Variants in PCM1 observed in about 807,000 individuals in gnomAD.
PCM1 encodes pericentriolar material 1 protein.
Under a neutral mutation model 241.9 loss-of-function variants are expected in PCM1, and 157 were observed. That is an observed-to-expected ratio of 0.65 (90% CI 0.57 to 0.74). PCM1 has a LOEUF of 0.74. Among genes scored for constraint, PCM1 ranks in the 30% least tolerant of loss-of-function variants. The probability of loss-of-function intolerance (pLI) is 0.00; values close to 1 mark genes in which losing one functional copy is unlikely to be tolerated. For missense variants in PCM1, 3,478 were observed against 2,360.1 expected, an observed-to-expected ratio of 1.47 and a Z score of -9.81; for synonymous variants, 1,085 against 784.9, an observed-to-expected ratio of 1.38 and a Z score of -6.39.
At chr8:17,983,306 T>C in intron 24 of PCM1, 2 of 1,314,588 alleles carry the variant, frequency 1.5e-6, no homozygotes. Context: ...ATCTGCGTAG[T>C]TTTGGTGTCC....
chr8:17,966,252 A>G (rs2074838502), intron 19 of PCM1, 34 bp downstream of exon 19: 33 of 1,608,620 alleles, frequency 2.1e-5, no homozygotes, highest in Non-Finnish European at 2.6e-5. Context: ...TTTTTCGTCT[A>G]TTTTTATAAC....
chr8:17,955,215 T>C (rs1033593224), intron 9 of PCM1, among the ~76,000 whole-genome samples: 4 of 152,198 alleles, frequency 2.6e-5, no homozygotes, highest in Non-Finnish European at 4.4e-5. Context: ...TCTTTTTTCT[T>C]TCCTTTCTGT....
chr8:17,975,632 G>A (rs960100183), intron 23 of PCM1, among the ~76,000 whole-genome samples: 1 of 152,098 alleles, frequency 6.6e-6, no homozygotes, highest in African/African-American at 2.4e-5. Context: ...GAATTACACT[G>A]CTGTCTTGAG....
chr8:17,995,743 C>T (rs1347416636), intron 29 of PCM1, among the ~76,000 whole-genome samples: 1 of 145,984 alleles, frequency 6.9e-6, no homozygotes, highest in African/African-American at 2.8e-5. Flanking sequence ...TTTCTTTCAT[C>T]AGTGTTTTAT....
chr8:17,989,850 G>A lies in PCM1; in HGVS notation c.4411-9G>A, dbSNP rs759581932. On this transcript the variant is annotated splice_polypyrimidine_tract_variant and intron_variant, in intron 26 of 38. Coordinates refer to ENST00000325083, the MANE Select transcript of PCM1 (RefSeq NM_006197.4). The stretch of plus-strand genomic sequence containing the variant: ...ATTAGTGATTTTTGTTTGTTTTACT[G>A]TAACTTAGGAAACTTTTGAGAAGAA... The A allele has an allele frequency of 3.6e-5, 54 of 1,520,524 alleles. No individual in the cohort carries two copies. Among genetic ancestry groups the A allele is most frequent in the Non-Finnish European group, 4.8e-5 (54 of 1,125,598 alleles). 94.2% of individuals were successfully genotyped at this position (1,520,524 alleles called of 1,614,324 possible).
chr8:17,930,414 A>G (rs1333628505), intron 2 of PCM1, among the ~76,000 whole-genome samples: 1 of 151,978 alleles, frequency 6.6e-6, no homozygotes, highest in African/African-American at 2.4e-5. Context: ...TTACTGGAAT[A>G]CTTTCTGTAC....
intron 6 of PCM1, among the ~76,000 whole-genome samples, chr8:17,945,324 T>G: frequency 6.6e-6 from 1 of 152,090 alleles, no homozygotes. Context: ...AAACAGTACT[T>G]AATTTGTTAA....
intron 23 of PCM1, among the ~76,000 whole-genome samples, chr8:17,972,972 C>A (rs1014108415): frequency 1.3e-5 from 2 of 152,024 alleles, no homozygotes; most frequent in Admixed American, 1.3e-4. Flanking sequence ...CAAATGCCCA[C>A]GTTTACTATT....
At chr8:18,001,789 T>G (rs1399331315) in intron 29 of PCM1, among the ~76,000 whole-genome samples, 3 of 152,104 alleles carry the variant, frequency 2.0e-5, no homozygotes, top group African/African-American at 4.8e-5. Flanking sequence ...TGCTTTTTTT[T>G]GGAATGTTTT....
At position 17,956,768 on chromosome 8, in the gene PCM1, C is replaced by T. The variant is rs1377190389; in HGVS notation, c.1637C>T (p.Thr546Ile). The change falls in exon 11 of 39, where the codon ACT (threonine) becomes ATT (isoleucine). Residue 546 changes from threonine (T) to isoleucine (I), a missense_variant. By Grantham distance (89) the Thr-to-Ile change is moderately conservative (BLOSUM62 -1). Coordinates refer to ENST00000325083, the MANE Select transcript of PCM1 (RefSeq NM_006197.4). Reference sequence around the variant, plus strand: ...GAGCATGAAAATTCCGAGCCTGTTACTAACATTCGGTAAGAACTTTTCTGG... The same window carrying T: ...GAGCATGAAAATTCCGAGCCTGTTATTAACATTCGGTAAGAACTTTTCTGG... Reference protein sequence around the residue: ...DSEHENSEPVTNIRNPQVAST... With the variant: ...DSEHENSEPVINIRNPQVAST... The T allele has an allele frequency of 6.2e-7, 1 of 1,606,786 alleles. No individual in the cohort carries two copies. The highest frequency in any genetic ancestry group is 1.1e-5 in the South Asian group (1 of 89,896).
rs1370323989 is a variant in PCM1 at position 17,934,133 on chromosome 8, C to G, written c.-22-1456C>G. Among the ~76,000 whole-genome samples the G allele has an allele frequency of 2.6e-5, 4 of 152,060 alleles. No individual in the cohort carries two copies. The South Asian group carries it at 6.2e-4, about 24-fold the overall frequency. Reference sequence around the variant, plus strand: ...AATAGATATTCTAGCATCAAAACATCTGTGGGACAAATTCTACTTTTTCAG... The same window carrying G: ...AATAGATATTCTAGCATCAAAACATGTGTGGGACAAATTCTACTTTTTCAG... On this transcript the variant is annotated intron_variant, in intron 2 of 38. Coordinates refer to ENST00000325083, the MANE Select transcript of PCM1 (RefSeq NM_006197.4).
chr8:17,960,533 C>CCTTTTTTT, intron 15 of PCM1, 89 bp downstream of exon 15: 2 of 602,584 alleles, frequency 3.3e-6, no homozygotes, highest in Non-Finnish European at 5.1e-6. Flanking sequence ...TTTTGTTTTT[C>CCTTTTTTT]TTTTTTTTTG....
chr8:17,934,103 A>G (rs2059777920), intron 2 of PCM1, among the ~76,000 whole-genome samples: 1 of 152,114 alleles, frequency 6.6e-6, no homozygotes, highest in Admixed American at 6.5e-5. Context: ...GTAATATGTT[A>G]TTCTAATAGA....
chr8:17,968,669 C>T (rs920700025), intron 21 of PCM1, among the ~76,000 whole-genome samples: 4 of 149,252 alleles, frequency 2.7e-5, no homozygotes, highest in East Asian at 2.0e-4. Context: ...GTACTCAATA[C>T]TTCTTACATA....
intron 36 of PCM1, among the ~76,000 whole-genome samples, chr8:18,017,072 A>G (rs1403110892): frequency 6.6e-6 from 1 of 152,224 alleles, no homozygotes; most frequent in African/African-American, 2.4e-5. Flanking sequence ...GCAGGATGGC[A>G]TAAGCCTCAG....
intron 30 of PCM1, 89 bp downstream of exon 30, chr8:18,006,486 C>A: frequency 1.2e-6 from 1 of 816,752 alleles, no homozygotes; most frequent in Non-Finnish European, 2.0e-6. Flanking sequence ...TCTTGCATTA[C>A]ACAATTTATT....
At chr8:17,929,997 A>T (rs1300598205) in intron 2 of PCM1, among the ~76,000 whole-genome samples, 1 of 152,100 alleles carries the variant, frequency 6.6e-6, no homozygotes, top group Non-Finnish European at 1.5e-5. Context: ...AAAACTGCAG[A>T]TAAGGTGGGG....
At chr8:18,018,714 G>A (rs1471627297) in intron 36 of PCM1, among the ~76,000 whole-genome samples, 3 of 151,406 alleles carry the variant, frequency 2.0e-5, no homozygotes, top group African/African-American at 7.3e-5. Context: ...AGGAGACTGA[G>A]GCAGGAGAAT....
rs200873169 is a variant in PCM1, at chr8:18,006,408, A to G, written c.4962+11A>G. On this transcript the variant is annotated intron_variant, in intron 30 of 38. Coordinates refer to ENST00000325083, the MANE Select transcript of PCM1 (RefSeq NM_006197.4). Reference sequence around the variant, plus strand: ...GGAAGTATATTACAGGTAAGAGTTTATACTTGTATGATTTACCAATATGTA... The same window carrying G: ...GGAAGTATATTACAGGTAAGAGTTTGTACTTGTATGATTTACCAATATGTA... 1.9e-6 allele frequency: 3 copies of G among 1,589,336 alleles called. No homozygotes were observed. The highest frequency in any genetic ancestry group is 2.6e-6 in the Non-Finnish European group (3 of 1,157,802).
Sources: gnomAD v4.1 joint callset for allele counts (sites outside exome capture counted in the v4.1 genomes callset) on GRCh38, gnomAD v4.1.1 for gene constraint, MANE v1.5 for transcripts, NCBI Gene and HGNC (gene_info 2026-07-23, HGNC 2026-07-21) for gene names.